The following PRPF3 variants were observed in gnomAD, a reference collection of about 807,000 sequenced individuals.
PRPF3 encodes pre-mRNA processing factor 3.
Under a neutral mutation model 89.2 loss-of-function variants are expected in PRPF3, and 3 were observed. The ratio of observed to expected loss-of-function variants is 0.03; its 90% CI spans 0.02 to 0.09. The LOEUF is 0.09. Ranked by LOEUF, PRPF3 falls within the 10% of genes least tolerant of loss-of-function variation. The pLI, the probability that PRPF3 is intolerant of heterozygous loss-of-function variation, is 1.00. For synonymous variants in PRPF3, 270 were observed against 289.1 expected, an observed-to-expected ratio of 0.93 and a Z score of 0.67; for missense variants, 463 against 828.8, an observed-to-expected ratio of 0.56 and a Z score of 5.42.
chr1:150,323,561 G>T (rs1655342863), intron 1 of PRPF3, among the ~76,000 whole-genome samples: 1 of 151,352 alleles, frequency 6.6e-6, no homozygotes, highest in African/African-American at 2.4e-5. Context: ...AGTGAACCCA[G>T]GAGATGGAGG....
At chr1:150,325,964 A>G in intron 3 of PRPF3, 83 bp downstream of exon 3, 1 of 1,529,424 alleles carries the variant, frequency 6.5e-7, no homozygotes, top group African/African-American at 1.4e-5. Flanking sequence ...TCACACGTTG[A>G]TATCCTCTAT....
intron 5 of PRPF3, 29 bp downstream of exon 5, chr1:150,332,796 A>G (rs1553866008): frequency 4.4e-6 from 7 of 1,605,754 alleles, no homozygotes; most frequent in Admixed American, 3.4e-5. Flanking sequence ...TCTGAACAGA[A>G]TAATCTTTGG....
intron 4 of PRPF3, 106 bp from the exon 5 acceptor site, chr1:150,332,578 A>C (rs1460906475): frequency 9.0e-7 from 1 of 1,111,996 alleles, no homozygotes. Context: ...AGTCATTCAA[A>C]ACATTTTAAG....
chr1:150,331,750 T>G (rs1226780863), intron 4 of PRPF3, among the ~76,000 whole-genome samples: 9 of 152,168 alleles, frequency 5.9e-5, no homozygotes, highest in African/African-American at 1.9e-4. Flanking sequence ...TGAAGCAGTT[T>G]AAGAACAGGT....
chr1:150,328,569 T>TTTTTAGG (rs1655968369), intron 4 of PRPF3, 103 bp downstream of exon 4: 1 of 1,329,110 alleles, frequency 7.5e-7, no homozygotes, highest in African/African-American at 1.5e-5. Flanking sequence ...TTTTTTTTTT[T>TTTTTAGG]GAGGTGGAGT....
At chr1:150,348,191 T>G (rs1658488945) in intron 14 of PRPF3, among the ~76,000 whole-genome samples, 1 of 151,830 alleles carries the variant, frequency 6.6e-6, no homozygotes. Flanking sequence ...GAGACCAGCC[T>G]GACATGGTGA....
rs1553864412 is a variant in PRPF3 at position 150,328,409 on chromosome 1, G to A, written c.366G>A (p.Glu122=). ...RIPRFEEVEE[E]PEVIPGPPSE... Reference sequence around the variant, plus strand: ...CCCGTTTTGAGGAGGTGGAAGAAGAGCCAGAGGTGATCCCTGGGCCTCCAT... The same window carrying A: ...CCCGTTTTGAGGAGGTGGAAGAAGAACCAGAGGTGATCCCTGGGCCTCCAT... The change falls in exon 4 of 16, where the codon GAG becomes GAA. Residue 122 remains glutamate, a synonymous_variant. Transcript: ENST00000324862. 3.7e-6 allele frequency: 6 copies of A among 1,614,098 alleles called. No homozygotes were observed. The highest frequency in any genetic ancestry group is 5.1e-6 in the Non-Finnish European group (6 of 1,180,032).
intron 7 of PRPF3, among the ~76,000 whole-genome samples, chr1:150,336,507 C>T (rs1657016474): frequency 6.6e-6 from 1 of 152,096 alleles, no homozygotes; most frequent in Admixed American, 6.6e-5. Context: ...CCTGTAATCC[C>T]AGCGCTTTGG....
At chr1:150,323,173 C>CTTTTT (rs71083901) in intron 1 of PRPF3, among the ~76,000 whole-genome samples, 573 of 48,268 alleles carry the variant, frequency 0.012, 107 homozygotes, top group African/African-American at 0.03. Flanking sequence ...CCGCACCTGG[C>CTTTTT]TTTTTTTTTT....
rs933112909 is a variant in PRPF3, at chr1:150,353,038, A to T, written c.*59A>T. The T allele has an allele frequency of 1.2e-6, 2 of 1,606,186 alleles. No homozygotes were observed. The highest frequency in any genetic ancestry group is 1.7e-6 in the Non-Finnish European group (2 of 1,173,716). Reference sequence around the variant, plus strand: ...CTTTGTCTCTTCAGTCCTCTCACTTATTCTATTTCCCAACCCCCTCCCACT... The same window carrying T: ...CTTTGTCTCTTCAGTCCTCTCACTTTTTCTATTTCCCAACCCCCTCCCACT... On this transcript the variant is annotated 3_prime_UTR_variant, in exon 16 of 16. Coordinates refer to ENST00000324862, the MANE Select transcript of PRPF3 (RefSeq NM_004698.4).
intron 9 of PRPF3, 96 bp downstream of exon 9, chr1:150,340,573 A>G (rs1657585392): frequency 1.1e-6 from 1 of 912,140 alleles, no homozygotes; most frequent in African/African-American, 1.6e-5. Context: ...GCTGTTCAAT[A>G]CAATAGCCAC....
At chr1:150,341,827 C>T (rs782042421) in intron 9 of PRPF3, among the ~76,000 whole-genome samples, 27 of 151,496 alleles carry the variant, frequency 1.8e-4, no homozygotes, top group Non-Finnish European at 3.1e-4. Context: ...CCTTAGCCTC[C>T]GGAGTAGCTT....
chr1:150,338,464 A>G, intron 8 of PRPF3, 138 bp downstream of exon 8: 1 of 852,528 alleles, frequency 1.2e-6, no homozygotes, highest in Non-Finnish European at 1.8e-6. Flanking sequence ...TTTTAAATCC[A>G]AGAGAGATAA....
chr1:150,350,712 G>A (rs1420427614), intron 15 of PRPF3, among the ~76,000 whole-genome samples: 1 of 152,046 alleles, frequency 6.6e-6, no homozygotes, highest in Non-Finnish European at 1.5e-5. Flanking sequence ...TATAATCCCA[G>A]CACTTTGGGA....
At chr1:150,325,642 T>C in intron 2 of PRPF3, 109 bp from the exon 3 acceptor site, 1 of 1,432,264 alleles carries the variant, frequency 7.0e-7, no homozygotes. Context: ...AACTTAAAAT[T>C]TGTTTCACTC....
intron 6 of PRPF3, among the ~76,000 whole-genome samples, chr1:150,333,567 C>T (rs1308205308): frequency 6.6e-6 from 1 of 152,068 alleles, no homozygotes; most frequent in African/African-American, 2.4e-5. Flanking sequence ...TCAAAGAAAA[C>T]AACAAACAAA....
chr1:150,327,268 A>T (rs1655835447), intron 3 of PRPF3, among the ~76,000 whole-genome samples: 1 of 151,874 alleles, frequency 6.6e-6, no homozygotes, highest in Non-Finnish European at 1.5e-5. Context: ...GGGTTTCATC[A>T]TGTTGATCAG....
intron 6 of PRPF3, among the ~76,000 whole-genome samples, chr1:150,334,387 G>A (rs1182528802): frequency 6.6e-6 from 1 of 152,110 alleles, no homozygotes; most frequent in Non-Finnish European, 1.5e-5. Context: ...TTGTTGTTGA[G>A]AGGGAGTCTC....
At chr1:150,349,895 G>GT (rs1553873940) in intron 15 of PRPF3, among the ~76,000 whole-genome samples, 1 of 132,712 alleles carries the variant, frequency 7.5e-6, no homozygotes, top group African/African-American at 2.7e-5. Flanking sequence ...GGGCGGGGGG[G>GT]CGGGGGGCGG....
Sources: allele counts gnomAD v4.1 joint callset (sites outside exome capture counted in the v4.1 genomes callset), GRCh38; gene constraint gnomAD v4.1.1; transcripts MANE v1.5; gene names NCBI Gene and HGNC (gene_info 2026-07-23, HGNC 2026-07-21).